The following TNRC6B variants were observed in gnomAD, a reference collection of about 807,000 sequenced individuals.
TNRC6B encodes the protein trinucleotide repeat containing adaptor 6B, also known as trinucleotide repeat-containing gene 6B protein.
A neutral mutation model predicts 203.6 loss-of-function variants in TNRC6B; 52 were observed. The observed-to-expected ratio is 0.26, with a 90% confidence interval of 0.20 to 0.32. The LOEUF (loss-of-function observed/expected upper bound fraction) is 0.32, where lower values mean the gene tolerates loss of function less well. Ranked by LOEUF, TNRC6B falls within the 10% of genes least tolerant of loss-of-function variation. TNRC6B has a pLI of 1.00. For synonymous variants in TNRC6B, 838 were observed against 845.7 expected, an observed-to-expected ratio of 0.99 and a Z score of 0.16; for missense variants, 1,923 against 2,286.2, an observed-to-expected ratio of 0.84 and a Z score of 3.24.
At chr22:40,067,779 A>C (rs757005349) in intron 1 of TNRC6B, among the ~76,000 whole-genome samples, 1 of 152,140 alleles carries the variant, frequency 6.6e-6, no homozygotes, top group African/African-American at 2.4e-5. Flanking sequence ...GCCCCTAGCC[A>C]ATGGGATAGT....
chr22:40,275,900 A>G (rs2070635578), intron 7 of TNRC6B, among the ~76,000 whole-genome samples: 1 of 151,022 alleles, frequency 6.6e-6, no homozygotes, highest in African/African-American at 2.4e-5. Flanking sequence ...TAGAGGTTGC[A>G]GTGAGCCGAG....
chr22:40,294,820 A>G (rs1329836054), intron 12 of TNRC6B, among the ~76,000 whole-genome samples: 1 of 152,230 alleles, frequency 6.6e-6, no homozygotes, highest in Non-Finnish European at 1.5e-5. Context: ...CAGAGCAGAG[A>G]TGAAGAGGAG....
rs745790531 is a variant in TNRC6B, at chr22:40,273,400, G to A, written c.2966-25G>A. ...GATTGTTTTATATAGCTGTTGCAAA[G>A]AGTTAATTCATTCTTTCCTTAAAGA... On this transcript the variant is annotated intron_variant, in intron 6 of 22. Coordinates refer to ENST00000454349, the MANE Select transcript of TNRC6B (RefSeq NM_001162501.2). The A allele has an allele frequency of 1.8e-5, 28 of 1,570,380 alleles. No individual in the cohort carries two copies. The East Asian group carries it at 5.7e-4, about 32-fold the overall frequency.
At chr22:40,306,607 A>G (rs535317209) in intron 15 of TNRC6B, among the ~76,000 whole-genome samples, 1 of 152,304 alleles carries the variant, frequency 6.6e-6, no homozygotes, top group South Asian at 2.1e-4. Flanking sequence ...GTTCCTTGCA[A>G]CCTTCCTGCC....
Position 40,265,193 on chromosome 22 carries a change from G to A in TNRC6B, c.963G>A (p.Arg321=). The change falls in exon 5 of 23, where the codon AGG becomes AGA. Residue 321 remains arginine, a synonymous_variant. Transcript: ENST00000454349. The part of the protein sequence containing the change: ...WPALVQEGTS[R]KGALETDNSN... ...CACTGGTCCAAGAAGGAACTTCTAG[G>A]AAAGGGGCATTGGAAACAGATAATA... 1.2e-6 allele frequency: 2 copies of A among 1,614,036 alleles called. No homozygotes were observed. The highest frequency in any genetic ancestry group is 1.7e-6 in the Non-Finnish European group (2 of 1,179,896).
chr22:40,047,994 A>G (rs973884752), intron 1 of TNRC6B, among the ~76,000 whole-genome samples: 1 of 152,228 alleles, frequency 6.6e-6, no homozygotes, highest in Non-Finnish European at 1.5e-5. Context: ...GAAAATGACT[A>G]GTTCATGTGC....
At chr22:40,100,228 A>G (rs772052144) in intron 1 of TNRC6B, among the ~76,000 whole-genome samples, 13 of 151,904 alleles carry the variant, frequency 8.6e-5, no homozygotes, top group Non-Finnish European at 2.9e-5. Flanking sequence ...CTGTGATTAC[A>G]GGCCTGTGCC....
chr22:40,155,102 G>A (rs570084115), intron 3 of TNRC6B, among the ~76,000 whole-genome samples: 289 of 150,996 alleles, frequency 1.9e-3, no homozygotes, highest in Non-Finnish European at 3.3e-3. Context: ...AAACACCATA[G>A]CCTATTTATC....
chr22:40,145,122 TGTG>T (rs2146341824), intron 3 of TNRC6B, among the ~76,000 whole-genome samples: 1 of 151,070 alleles, frequency 6.6e-6, no homozygotes, highest in Non-Finnish European at 1.5e-5. Flanking sequence ...GGCACAGGCC[TGTG>T]GTCCCAGCTA....
At chr22:40,123,652 G>C (rs73412608) in intron 2 of TNRC6B, among the ~76,000 whole-genome samples, 2 of 152,188 alleles carry the variant, frequency 1.3e-5, no homozygotes, top group Non-Finnish European at 2.9e-5. Context: ...CCAGACCAAG[G>C]AGTGTGCTGA....
upstream of TNRC6B, among the ~76,000 whole-genome samples, chr22:40,173,422 C>CT (rs34606005): frequency 1.5e-3 from 206 of 134,760 alleles, 2 homozygotes; most frequent in East Asian, 4.6e-3. Flanking sequence ...TCAGTTTACT[C>CT]TTTTTTTTTT....
At chr22:40,151,865 G>GAAGA (rs565848471) in intron 3 of TNRC6B, among the ~76,000 whole-genome samples, 19 of 78,070 alleles carry the variant, frequency 2.4e-4, no homozygotes, top group African/African-American at 1.5e-3. Context: ...AGAAAAGAAA[G>GAAGA]AAGAAAGAAA....
intron 1 of TNRC6B, among the ~76,000 whole-genome samples, chr22:40,102,846 AGGCC>A (rs2068251497): frequency 1.3e-5 from 2 of 152,170 alleles, no homozygotes; most frequent in Non-Finnish European, 2.9e-5. Flanking sequence ...TGGGAGGCTG[AGGCC>A]GGTGGATCAC....
At chr22:40,165,392 T>G (rs979508082) in intron 4 of TNRC6B, among the ~76,000 whole-genome samples, 2 of 151,930 alleles carry the variant, frequency 1.3e-5, no homozygotes, top group Non-Finnish European at 2.9e-5. Context: ...GCCAGGCTGG[T>G]TTTGAACTCC....
At chr22:40,290,950 G>A (rs977934758) in intron 12 of TNRC6B, among the ~76,000 whole-genome samples, 5 of 152,164 alleles carry the variant, frequency 3.3e-5, no homozygotes, top group African/African-American at 1.2e-4. Context: ...ACCCAAAAAA[G>A]AAAATTACTT....
At chr22:40,255,142 C>T (rs1004864914) in intron 3 of TNRC6B, among the ~76,000 whole-genome samples, 2 of 152,186 alleles carry the variant, frequency 1.3e-5, no homozygotes, top group Non-Finnish European at 1.5e-5. Context: ...GCTCTAGTGT[C>T]TGACACTTAA....
chr22:40,274,422 C>CTTTTTTTTTTTTTTTTTTT (rs374621260), intron 7 of TNRC6B, among the ~76,000 whole-genome samples: 1 of 140,688 alleles, frequency 7.1e-6, no homozygotes, highest in African/African-American at 2.6e-5. Context: ...AATGATATCT[C>CTTTTTTTTTTTTTTTTTTT]TTTTTTTTTT....
intron 12 of TNRC6B, among the ~76,000 whole-genome samples, chr22:40,295,000 G>A (rs895925366): frequency 2.6e-5 from 4 of 152,192 alleles, no homozygotes; most frequent in Non-Finnish European, 5.9e-5. Flanking sequence ...GTAACACTCA[G>A]CATCTCTTAG....
At chr22:40,315,031 A>T (rs1306066350) in intron 19 of TNRC6B, among the ~76,000 whole-genome samples, 1 of 152,218 alleles carries the variant, frequency 6.6e-6, no homozygotes, top group Non-Finnish European at 1.5e-5. Context: ...GCAGTAGAGA[A>T]TTGGTTATCT....
Sources: gnomAD v4.1 joint callset for allele counts (sites outside exome capture counted in the v4.1 genomes callset) on GRCh38, gnomAD v4.1.1 for gene constraint, MANE v1.5 for transcripts, NCBI Gene and HGNC (gene_info 2026-07-23, HGNC 2026-07-21) for gene names.